SCTR: variants seen among roughly 807,000 people sequenced by gnomAD.
The protein encoded by SCTR is secretin receptor.
A neutral mutation model predicts 60.8 loss-of-function variants in SCTR; 56 were observed. The ratio of observed to expected loss-of-function variants is 0.92; its 90% confidence interval spans 0.74 to 1.15. The LOEUF is 1.15. Among genes scored for constraint, SCTR ranks in the 50% most tolerant of loss-of-function variants. SCTR has a pLI of 0.00. For missense variants in SCTR, 562 were observed against 550.4 expected (o/e 1.02, Z -0.21); for synonymous variants, 202 against 217.0 (o/e 0.93, Z 0.61).
chr2:119,450,628 T>C (rs1315197820), intron 9 of SCTR, among the ~76,000 whole-genome samples: 2 of 152,050 alleles, frequency 1.3e-5, no homozygotes, highest in African/African-American at 2.4e-5. Flanking sequence ...GGTCATAACA[T>C]ATATGTAGCT....
rs1382134058 is a variant in SCTR, at chr2:119,497,150, C to T, written c.73-2602G>A. On this transcript the variant is annotated intron_variant, in intron 1 of 12. Transcript: ENST00000019103. ...GGAGAGTTGGGGTTTCCACTACCAC[C>T]GAGTGGCACTGTGGCCACCCCCACT... Among the ~76,000 whole-genome samples the T allele has an allele frequency of 2.6e-5, 4 of 152,148 alleles. No homozygotes were observed. The South Asian group carries it at 6.2e-4, about 24-fold the overall frequency.
intron 2 of SCTR, chr2:119,487,329 A>G (rs1489898684): frequency 6.6e-6 from 1 of 152,246 alleles, no homozygotes; most frequent in African/African-American, 2.4e-5. Context: ...CCTCAATAAA[A>G]AAGGTACAAA....
chr2:119,504,015 A>T (rs1052530268), intron 1 of SCTR, among the ~76,000 whole-genome samples: 1 of 152,218 alleles, frequency 6.6e-6, no homozygotes, highest in South Asian at 2.1e-4. Context: ...TGATTTTAAG[A>T]TGTATTATAC....
At chr2:119,473,141 T>G (rs1038179813) in intron 4 of SCTR, among the ~76,000 whole-genome samples, 2 of 152,200 alleles carry the variant, frequency 1.3e-5, no homozygotes, top group Non-Finnish European at 2.9e-5. Flanking sequence ...TCTGAGCATT[T>G]AGCCACTATG....
chr2:119,522,679 G>C (rs916228033), intron 1 of SCTR, among the ~76,000 whole-genome samples: 1 of 152,208 alleles, frequency 6.6e-6, no homozygotes, highest in Non-Finnish European at 1.5e-5. Flanking sequence ...CGAGGTACCA[G>C]TTACGACAGT....
intron 1 of SCTR, among the ~76,000 whole-genome samples, chr2:119,514,595 G>C (rs1203365988): frequency 1.3e-5 from 2 of 152,134 alleles, no homozygotes; most frequent in Non-Finnish European, 2.9e-5. Flanking sequence ...CTGAATAAAG[G>C]CTGGGTGCAG....
At chr2:119,462,894 GA>G (rs1683672850) in intron 6 of SCTR, among the ~76,000 whole-genome samples, 1 of 152,240 alleles carries the variant, frequency 6.6e-6, no homozygotes, top group Non-Finnish European at 1.5e-5. Flanking sequence ...TAAAACCTGA[GA>G]AGGTTCCCTG....
intron 2 of SCTR, chr2:119,479,159 G>A: frequency 1.6e-6 from 2 of 1,283,114 alleles, no homozygotes; most frequent in Non-Finnish European, 2.0e-6. Flanking sequence ...AGGGAGGGAG[G>A]AAGGGAAGAA....
intron 3 of SCTR, among the ~76,000 whole-genome samples, 170 bp from the exon 4 acceptor site, chr2:119,473,726 G>A (rs958764835): frequency 2.0e-5 from 3 of 152,176 alleles, no homozygotes; most frequent in South Asian, 2.1e-4. Flanking sequence ...TAGGGGGAAA[G>A]TGATTTGAAC....
intron 1 of SCTR, among the ~76,000 whole-genome samples, chr2:119,508,643 C>A (rs756015859): frequency 6.6e-6 from 1 of 152,030 alleles, no homozygotes; most frequent in Admixed American, 6.6e-5. Flanking sequence ...CCTGCCTCAG[C>A]CTCCCAAAGT....
At chr2:119,510,461 C>T (rs766901300) in intron 1 of SCTR, among the ~76,000 whole-genome samples, 2 of 152,068 alleles carry the variant, frequency 1.3e-5, no homozygotes, top group Non-Finnish European at 2.9e-5. Flanking sequence ...CATGTGGCTC[C>T]TTGGAGCAAC....
At chr2:119,497,722 C>A (rs1158506112) in intron 1 of SCTR, among the ~76,000 whole-genome samples, 2 of 151,940 alleles carry the variant, frequency 1.3e-5, no homozygotes, top group Non-Finnish European at 2.9e-5. Flanking sequence ...ACAAAATAAG[C>A]TCCGTGGATG....
chr2:119,473,569 A>T lies in SCTR; in HGVS notation c.302-13T>A, dbSNP rs750011583. 3.9e-5 allele frequency: 61 copies of T among 1,568,410 alleles called. No individual in the cohort carries two copies. Among genetic ancestry groups the T allele is most frequent in the Non-Finnish European group, 5.4e-5 (61 of 1,138,588 alleles). On this transcript the variant is annotated splice_polypyrimidine_tract_variant and intron_variant, in intron 3 of 12. Coordinates refer to ENST00000019103, the MANE Select transcript of SCTR (RefSeq NM_002980.3). ...CGGAACAAGGAACCTGTGGGTGCCAAGAGTCCTGTAGGTGAGCCATGGGCC... is the reference window on the plus strand; with the variant it reads ...CGGAACAAGGAACCTGTGGGTGCCATGAGTCCTGTAGGTGAGCCATGGGCC...
chr2:119,452,132 C>A, intron 8 of SCTR, 53 bp from the exon 9 acceptor site: 1 of 1,139,232 alleles, frequency 8.8e-7, no homozygotes, highest in Non-Finnish European at 1.3e-6. Context: ...GGGAGCTGGG[C>A]TAACCAGCAA....
intron 1 of SCTR, among the ~76,000 whole-genome samples, chr2:119,503,745 T>A (rs916782123): frequency 6.6e-6 from 1 of 152,130 alleles, no homozygotes; most frequent in Non-Finnish European, 1.5e-5. Flanking sequence ...TATACATTTG[T>A]CAAAACCCAT....
chr2:119,517,228 T>C (rs1171746610), intron 1 of SCTR, among the ~76,000 whole-genome samples: 3 of 152,018 alleles, frequency 2.0e-5, no homozygotes, highest in Non-Finnish European at 4.4e-5. Flanking sequence ...GGCACAATCA[T>C]GGCTCACTGC....
intron 2 of SCTR, 121 bp downstream of exon 2, chr2:119,494,307 G>T: frequency 8.9e-7 from 1 of 1,123,802 alleles, no homozygotes; most frequent in Non-Finnish European, 1.2e-6. Flanking sequence ...GATTGTCTGA[G>T]TGAGAAAAGC....
rs754371252 is a variant in SCTR, at chr2:119,473,473, C to G, written c.385G>C (p.Asp129His). Residue 129 changes from aspartate (D) to histidine (H), a missense_variant, in exon 4 of 13, where the codon GAC becomes CAC. Asp to His is a moderately conservative substitution (Grantham distance 81). Transcript: ENST00000019103. Reference protein sequence around the residue: ...PNLACGVNVNDSSNEKRHSYL... With the variant: ...PNLACGVNVNHSSNEKRHSYL... The stretch of plus-strand genomic sequence containing the variant: ...CTTACCCGCTTCTCGTTGGAAGAGT[C>G]GTTCACATTAACGCCACAGGCCAGA... 1.2e-6 allele frequency: 2 copies of G among 1,613,224 alleles called. No homozygotes were observed. Among genetic ancestry groups the G allele is most frequent in the Non-Finnish European group, 8.5e-7 (1 of 1,179,228 alleles).
intron 11 of SCTR, 150 bp downstream of exon 11, chr2:119,446,609 G>A (rs553162034): frequency 1.3e-4 from 81 of 634,842 alleles, no homozygotes; most frequent in Non-Finnish European, 1.7e-4. Flanking sequence ...TCCCACTCAG[G>A]GACCTGTAGC....
Sources: allele counts gnomAD v4.1 joint callset (sites outside exome capture counted in the v4.1 genomes callset), GRCh38; gene constraint gnomAD v4.1.1; transcripts MANE v1.5; gene names NCBI Gene and HGNC (gene_info 2026-07-23, HGNC 2026-07-21).